DNAJC5B: variants seen among roughly 807,000 people sequenced by gnomAD.
DNAJC5B encodes dnaJ homolog subfamily C member 5B.
Under a neutral mutation model 24.7 loss-of-function variants are expected in DNAJC5B, and 23 were observed. The observed-to-expected ratio is 0.93, with a 90% confidence interval of 0.67 to 1.32. DNAJC5B has a LOEUF of 1.32. DNAJC5B is among the 40% of genes most tolerant of loss of function. The pLI is 0.00. For missense variants in DNAJC5B, 238 were observed against 240.8 expected (o/e 0.99, Z 0.08); for synonymous variants, 101 against 90.1 (o/e 1.12, Z -0.68).
chr8:66,046,373 T>C (rs979203667), intron 2 of DNAJC5B, among the ~76,000 whole-genome samples: 1 of 152,192 alleles, frequency 6.6e-6, no homozygotes, highest in African/African-American at 2.4e-5. Context: ...TGGACAGAGC[T>C]GCAGGGCCCC....
At chr8:66,070,019 C>T (rs1244496427) in intron 3 of DNAJC5B, among the ~76,000 whole-genome samples, 3 of 152,140 alleles carry the variant, frequency 2.0e-5, no homozygotes, top group African/African-American at 7.2e-5. Flanking sequence ...GCCCTTCATG[C>T]TAAAAACTCT....
intron 3 of DNAJC5B, among the ~76,000 whole-genome samples, chr8:66,062,862 T>C (rs968404901): frequency 6.6e-6 from 1 of 151,786 alleles, no homozygotes; most frequent in African/African-American, 2.4e-5. Flanking sequence ...TATTAACGTA[T>C]AGACAGGCTT....
At chr8:66,024,166 G>T (rs1586057494) in intron 1 of DNAJC5B, among the ~76,000 whole-genome samples, 2 of 152,132 alleles carry the variant, frequency 1.3e-5, no homozygotes, top group African/African-American at 4.8e-5. Flanking sequence ...GGTATTACAT[G>T]CAGGTTGCCT....
At chr8:66,035,309 T>G (rs78946422) in intron 1 of DNAJC5B, among the ~76,000 whole-genome samples, 8,407 of 152,326 alleles carry the variant, frequency 0.055, 343 homozygotes, top group Middle Eastern at 0.11. Context: ...GTGCTGCGCC[T>G]GTAAAAGAGA....
At chr8:66,081,379 C>A (rs917145827) in intron 5 of DNAJC5B, among the ~76,000 whole-genome samples, 3 of 152,060 alleles carry the variant, frequency 2.0e-5, no homozygotes, top group Non-Finnish European at 4.4e-5. Context: ...TCATAGTTAT[C>A]CTGGAGTACA....
intron 5 of DNAJC5B, among the ~76,000 whole-genome samples, chr8:66,094,715 C>T (rs1411851809): frequency 6.6e-6 from 1 of 152,002 alleles, no homozygotes; most frequent in East Asian, 1.9e-4. Flanking sequence ...AGAGAAGGTA[C>T]TTTCAGGGTT....
intron 1 of DNAJC5B, among the ~76,000 whole-genome samples, chr8:66,027,112 G>T (rs1427301012): frequency 1.3e-5 from 2 of 152,142 alleles, no homozygotes; most frequent in Non-Finnish European, 2.9e-5. Context: ...TACAAGTTGT[G>T]GTCCCATTAT....
At chr8:66,018,452 G>A (rs1806020933), upstream of DNAJC5B, among the ~76,000 whole-genome samples, 1 of 152,160 alleles carries the variant, frequency 6.6e-6, no homozygotes, top group African/African-American at 2.4e-5. Flanking sequence ...CCGGGAGACA[G>A]AGGTTGCAGT....
chr8:66,083,187 A>G (rs981670245), intron 5 of DNAJC5B, among the ~76,000 whole-genome samples: 2 of 151,152 alleles, frequency 1.3e-5, no homozygotes, highest in Non-Finnish European at 2.9e-5. Context: ...AATTTTTTGT[A>G]TTTTTAGTAG....
At chr8:66,072,036 GTGGGGCC>G (rs1807361949) in intron 3 of DNAJC5B, among the ~76,000 whole-genome samples, 1 of 148,872 alleles carries the variant, frequency 6.7e-6, no homozygotes, top group Non-Finnish European at 1.5e-5. Flanking sequence ...ATATCACACA[GTGGGGCC>G]TGTCAGGGGG....
intron 5 of DNAJC5B, among the ~76,000 whole-genome samples, chr8:66,097,659 TA>T (rs1192171486): frequency 6.6e-6 from 1 of 152,086 alleles, no homozygotes; most frequent in African/African-American, 2.4e-5. Flanking sequence ...TGACTGAAAA[TA>T]TCTTTATCAT....
At chr8:66,090,251 A>ATGTGTGTGTGTGTGTGTG (rs147978582) in intron 5 of DNAJC5B, among the ~76,000 whole-genome samples, 1 of 145,322 alleles carries the variant, frequency 6.9e-6, no homozygotes, top group Non-Finnish European at 1.5e-5. Context: ...GCGTGCAGGC[A>ATGTGTGTGTGTGTGTGTG]TGTGTGTGTG....
intron 5 of DNAJC5B, among the ~76,000 whole-genome samples, chr8:66,095,079 C>T (rs982301581): frequency 6.6e-6 from 1 of 151,952 alleles, no homozygotes; most frequent in Admixed American, 6.6e-5. Context: ...TCAAACTTTC[C>T]TTACTGTATT....
intron 2 of DNAJC5B, among the ~76,000 whole-genome samples, chr8:66,050,654 T>G (rs2128959721): frequency 6.6e-6 from 1 of 152,300 alleles, no homozygotes; most frequent in Non-Finnish European, 1.5e-5. Flanking sequence ...CAAGATGCAG[T>G]GGGGACCTAT....
At chr8:66,078,018 GC>G (rs1245485992) in intron 4 of DNAJC5B, among the ~76,000 whole-genome samples, 3 of 151,820 alleles carry the variant, frequency 2.0e-5, no homozygotes, top group Middle Eastern at 3.2e-3. Context: ...GACAGTACAA[GC>G]TTTTGTGGGT....
chr8:66,065,644 AG>A (rs1455158050), intron 3 of DNAJC5B, among the ~76,000 whole-genome samples: 1 of 152,158 alleles, frequency 6.6e-6, no homozygotes, highest in Non-Finnish European at 1.5e-5. Context: ...AGGGGGCTGT[AG>A]GGTTGAAGGA....
At chr8:66,056,801 T>G (rs1241859887) in intron 3 of DNAJC5B, 1 of 152,264 alleles carries the variant, frequency 6.6e-6, no homozygotes, top group Non-Finnish European at 1.5e-5. Context: ...CTAACTCCTG[T>G]GCTGAGATGA....
the DNAJC5B span, among the ~76,000 whole-genome samples, chr8:66,015,962 G>C: frequency 6.6e-6 from 1 of 152,098 alleles, no homozygotes; most frequent in Non-Finnish European, 1.5e-5. Context: ...AGACTGTCTT[G>C]GTCCATTTAT....
At chr8:66,061,541 A>G (rs370303848) in intron 3 of DNAJC5B, among the ~76,000 whole-genome samples, 2 of 151,764 alleles carry the variant, frequency 1.3e-5, no homozygotes, top group South Asian at 4.2e-4. Flanking sequence ...GCACGGGTGC[A>G]GGGTGACGTG....
Sources: allele counts gnomAD v4.1 joint callset (sites outside exome capture counted in the v4.1 genomes callset), GRCh38; gene constraint gnomAD v4.1.1; transcripts MANE v1.5; gene names NCBI Gene and HGNC (gene_info 2026-07-23, HGNC 2026-07-21).